Variants in PLEKHG5 observed in about 807,000 individuals in gnomAD.
The protein encoded by PLEKHG5 is pleckstrin homology domain-containing family G member 5.
A neutral mutation model predicts 103.8 loss-of-function variants in PLEKHG5; 52 were observed. That is an observed-to-expected ratio of 0.50 (90% CI 0.40 to 0.63). The LOEUF (loss-of-function observed/expected upper bound fraction) is 0.63. PLEKHG5 is among the 30% of genes least tolerant of loss of function. The probability of loss-of-function intolerance (pLI) is 0.00; values close to 1 mark genes in which losing one functional copy is unlikely to be tolerated. For missense variants in PLEKHG5, 1,205 were observed against 1,347.6 expected, an observed-to-expected ratio of 0.89 and a Z score of 1.66; for synonymous variants, 592 against 575.5, an observed-to-expected ratio of 1.03 and a Z score of -0.41.
intron 2 of PLEKHG5, 139 bp downstream of exon 2, chr1:6,477,390 C>G: frequency 3.3e-6 from 3 of 922,266 alleles, no homozygotes; most frequent in African/African-American, 1.6e-5. Context: ...ACATTTGGAA[C>G]AAAAGGAACC....
intron 1 of PLEKHG5, among the ~76,000 whole-genome samples, chr1:6,513,454 G>T (rs539501967): frequency 6.6e-6 from 1 of 152,366 alleles, no homozygotes; most frequent in East Asian, 1.9e-4. Context: ...CCCAGCAGCT[G>T]CCACCTGCCG....
chr1:6,485,334 C>A, intron 1 of PLEKHG5: 1 of 1,427,824 alleles, frequency 7.0e-7, no homozygotes. Flanking sequence ...CTGGCTATCA[C>A]CGTCGCGGGC....
intron 4 of PLEKHG5, 86 bp from the exon 5 acceptor site, chr1:6,475,224 C>A (rs1569883901): frequency 1.1e-5 from 8 of 721,874 alleles, no homozygotes; most frequent in East Asian, 7.7e-5. Context: ...TCCCACCCTC[C>A]TTCCCAACCC....
intron 1 of PLEKHG5, among the ~76,000 whole-genome samples, chr1:6,514,325 T>A (rs1349396006): frequency 6.7e-6 from 1 of 149,420 alleles, no homozygotes. Context: ...CATGGTGGTA[T>A]GCGCCTGTGG....
intron 5 of PLEKHG5, 126 bp downstream of exon 5, chr1:6,474,921 G>A: frequency 2.5e-6 from 2 of 786,002 alleles, no homozygotes; most frequent in Non-Finnish European, 4.7e-6. Flanking sequence ...TGCCCACGCA[G>A]GGATGCGCTC....
chr1:6,515,352 C>A lies in PLEKHG5; in HGVS notation c.-165+4093G>T, dbSNP rs554701883. 1.0e-3 allele frequency among the ~76,000 whole-genome samples: 153 copies of A among 152,030 alleles called. 2 individuals carry two copies. In the South Asian group the frequency reaches 0.031, roughly 31 times the overall value. Reference sequence around the variant, plus strand: ...ACCATCCTGGCTAACACGGTGAAACCCCGTCTCTACTACAAATACCAAAAA... The same window carrying A: ...ACCATCCTGGCTAACACGGTGAAACACCGTCTCTACTACAAATACCAAAAA... On this transcript the variant is annotated intron_variant, in intron 1 of 21. Coordinates refer to the PLEKHG5 transcript ENST00000377740.
chr1:6,471,732 G>A (rs1256925723), intron 11 of PLEKHG5, 26 bp downstream of exon 11: 16 of 1,577,992 alleles, frequency 1.0e-5, no homozygotes, highest in Admixed American at 1.7e-5. Flanking sequence ...TACCTCACCC[G>A]CCGCCGCCCC....
At position 6,470,830 on chromosome 1, in the gene PLEKHG5, T is replaced by C. The variant is rs1277975852; in HGVS notation, c.1447A>G (p.Lys483Glu). ...TACTTGGTGAGCCGCTGGTGGGGTT[T>C]GGCCAGCATGTCGCTCAGCTTCAGC... is the stretch of plus-strand genomic sequence containing the variant. Reference protein sequence around the residue: ...QRLKLSDMLAKPHQRLTKYPL... With the variant: ...QRLKLSDMLAEPHQRLTKYPL... Residue 483 changes from lysine (K) to glutamate (E), a missense_variant, in exon 14 of 21, where the codon AAA (lysine) becomes GAA (glutamate). Coordinates refer to ENST00000377728, the MANE Select transcript of PLEKHG5 (RefSeq NM_020631.6). 2.5e-6 allele frequency: 4 copies of C among 1,578,586 alleles called. No individual in the cohort carries two copies. The highest frequency in any genetic ancestry group is 4.6e-5 in the East Asian group (2 of 43,260).
chr1:6,468,965 G>A (rs986603721), intron 19 of PLEKHG5, 77 bp downstream of exon 19: 79 of 1,202,648 alleles, frequency 6.6e-5, no homozygotes, highest in Non-Finnish European at 8.3e-5. Flanking sequence ...GGAAGGGAGC[G>A]TGGCTGGGCC....
chr1:6,499,431 CCTG>C (rs1459114836), upstream of PLEKHG5, among the ~76,000 whole-genome samples: 4 of 152,222 alleles, frequency 2.6e-5, no homozygotes, highest in African/African-American at 7.2e-5. Context: ...AGGTGCTCAC[CCTG>C]CCTTCTAGAC....
Position 6,467,953 on chromosome 1 carries a change from G to A in PLEKHG5, c.2883C>T (p.Pro961=). 1 of 1,571,244 alleles carries A rather than the reference G, an allele frequency of 6.4e-7. No individual in the cohort carries two copies. Among genetic ancestry groups the A allele is most frequent in the Non-Finnish European group, 8.6e-7 (1 of 1,159,942 alleles). Residue 961 remains proline, a synonymous_variant, in exon 20 of 21, where the codon CCC becomes CCT. Coordinates refer to ENST00000377728, the MANE Select transcript of PLEKHG5 (RefSeq NM_020631.6). ...GCTGGACCCTGGGAGAGGCCCCCGA[G>A]GGCAGGTCTCCACACCTCTTCCTGT... ...GSHRKRCGDL[P]SGASPRVQPE...
chr1:6,474,829 G>C (rs1051909606), intron 5 of PLEKHG5: 8 of 660,676 alleles, frequency 1.2e-5, no homozygotes, highest in Non-Finnish European at 2.2e-5. Flanking sequence ...CGCAGGCCTG[G>C]CTCCTGCATA....
chr1:6,474,778 C>A (rs1310554949), intron 5 of PLEKHG5, 191 bp from the exon 6 acceptor site: 10 of 676,024 alleles, frequency 1.5e-5, no homozygotes, highest in Non-Finnish European at 2.4e-5. Context: ...CACACAGGCG[C>A]ATCTGCATAC....
Position 6,485,292 on chromosome 1 carries a change from A to AGCCCCGTTCCCGCCCCGTCCCG in PLEKHG5, c.-88+6323_-88+6344dup, listed in dbSNP as rs1462566096. ...GGCTGCAGGCGAGAACTGGGCACCCAGCCCCGTTCCCGCCCCGTCCCGGCC... is the reference window on the plus strand; with the variant it reads ...GGCTGCAGGCGAGAACTGGGCACCCAGCCCCGTTCCCGCCCCGTCCCGGCCCCGTTCCCGCCCCGTCCCGGCC... On this transcript the variant is annotated intron_variant, in intron 1 of 20. Transcript: ENST00000377728. 6.8e-6 allele frequency: 9 copies of AGCCCCGTTCCCGCCCCGTCCCG among 1,325,994 alleles called. No homozygotes were observed. In the East Asian group the frequency reaches 2.8e-4, roughly 41 times the overall value. The allele number at this position is 1,325,994 out of a possible 1,614,324, so 82.1% of individuals were successfully genotyped here.
Position 6,467,332 on chromosome 1 carries a change from A to G in PLEKHG5, c.*231T>C. On this transcript the variant is annotated 3_prime_UTR_variant, in exon 21 of 21. Coordinates refer to ENST00000377728, the MANE Select transcript of PLEKHG5 (RefSeq NM_020631.6). ...TCGAGCTGAGCTGGTAACTTCGGGGAGTAGGTGACGAGGGGCTGCCTGGGC... is the reference window on the plus strand; with the variant it reads ...TCGAGCTGAGCTGGTAACTTCGGGGGGTAGGTGACGAGGGGCTGCCTGGGC... 1 of 639,358 alleles carries G rather than the reference A, an allele frequency of 1.6e-6. No individual in the cohort carries two copies. Among genetic ancestry groups the G allele is most frequent in the Non-Finnish European group, 2.9e-6 (1 of 350,092 alleles). 39.6% of individuals were successfully genotyped at this position (639,358 alleles called of 1,614,324 possible).
upstream of PLEKHG5, among the ~76,000 whole-genome samples, chr1:6,498,491 C>T (rs1302587234): frequency 1.3e-5 from 2 of 152,234 alleles, no homozygotes; most frequent in Non-Finnish European, 2.9e-5. Context: ...CACTAAAGAT[C>T]CTCTGAGGAT....
intron 1 of PLEKHG5, among the ~76,000 whole-genome samples, chr1:6,479,207 C>T (rs1270959001): frequency 3.3e-5 from 5 of 151,634 alleles, no homozygotes; most frequent in African/African-American, 1.2e-4. Context: ...GTCTAAATAA[C>T]GTTCTTACAG....
Position 6,468,605 on chromosome 1 carries a change from A to T in PLEKHG5, c.2250-19T>A. Reference sequence around the variant, plus strand: ...TGAGGCACTGTGGGGCCAGGAGCAGAGTCAGCCCAGGCCATGAAACCTAGA... The same window carrying T: ...TGAGGCACTGTGGGGCCAGGAGCAGTGTCAGCCCAGGCCATGAAACCTAGA... On this transcript the variant is annotated intron_variant, in intron 19 of 20. Coordinates refer to ENST00000377728, the MANE Select transcript of PLEKHG5 (RefSeq NM_020631.6). 6.2e-7 allele frequency: 1 copy of T among 1,612,776 alleles called. No homozygotes were observed.
In PLEKHG5 at chr1:6,469,689, G is replaced by A. The variant is rs755465099; in HGVS notation, c.1801-13C>T. On this transcript the variant is annotated splice_polypyrimidine_tract_variant and intron_variant, in intron 16 of 20. Coordinates refer to ENST00000377728, the MANE Select transcript of PLEKHG5 (RefSeq NM_020631.6). ...AGTACACATCCATCTGCAGTGGCAG[G>A]AGGGGGGGTGGCCAGAGAGGCCAGC... 1 of 1,611,062 alleles carries A rather than the reference G, an allele frequency of 6.2e-7. No homozygotes were observed. Among genetic ancestry groups the A allele is most frequent in the South Asian group, 1.1e-5 (1 of 91,024 alleles).
Sources: allele counts gnomAD v4.1 joint callset (sites outside exome capture counted in the v4.1 genomes callset), GRCh38; gene constraint gnomAD v4.1.1; transcripts MANE v1.5; gene names NCBI Gene and HGNC (gene_info 2026-07-23, HGNC 2026-07-21).